Variants in TRIP12 observed in about 807,000 individuals in gnomAD.
The protein encoded by TRIP12 is E3 ubiquitin-protein ligase TRIP12.
A neutral mutation model predicts 244.2 loss-of-function variants in TRIP12; 25 were observed. That is an observed-to-expected ratio of 0.10 (90% confidence interval 0.07 to 0.14). The LOEUF is 0.14. Ranked by LOEUF, TRIP12 falls within the 10% of genes least tolerant of loss-of-function variation. The pLI is 1.00. For synonymous variants in TRIP12, 905 were observed against 873.1 expected, an observed-to-expected ratio of 1.04 and a Z score of -0.64; for missense variants, 1,677 against 2,486.4, an observed-to-expected ratio of 0.67 and a Z score of 6.92.
chr2:229,904,727 C>CAT (rs2072187387), intron 1 of TRIP12, among the ~76,000 whole-genome samples: 1 of 152,046 alleles, frequency 6.6e-6, no homozygotes, highest in East Asian at 1.9e-4. Flanking sequence ...CCTCAAAAAG[C>CAT]ATAAGTTTTA....
chr2:229,813,286 A>G (rs2047710760), intron 13 of TRIP12, among the ~76,000 whole-genome samples: 1 of 152,230 alleles, frequency 6.6e-6, no homozygotes. Context: ...TAAACACTCA[A>G]TGTTTGCTGA....
upstream of TRIP12, chr2:229,922,749 C>T (rs1044690210): frequency 2.5e-5 from 20 of 799,884 alleles, no homozygotes; most frequent in South Asian, 1.1e-4. Flanking sequence ...GGGAGATTTT[C>T]CTCGTCACCT....
Position 229,808,426 on chromosome 2 carries a change from T to A in TRIP12, c.2222-57A>T, listed in dbSNP as rs2046413296. On this transcript the variant is annotated intron_variant, in intron 15 of 41. Transcript: ENST00000675903. ...TATTAAACTAGTTATACTACCTCAT[T>A]CAAAGGCAAACATTGCCCAAGGGGG... The A allele has an allele frequency of 2.4e-5, 27 of 1,141,766 alleles. No individual in the cohort carries two copies. In the South Asian group the frequency reaches 2.7e-4, roughly 11 times the overall value. The allele number at this position is 1,141,766 out of a possible 1,614,324, so 70.7% of individuals were successfully genotyped here.
At chr2:229,879,237 C>T (rs534743520) in intron 2 of TRIP12, among the ~76,000 whole-genome samples, 104 of 152,156 alleles carry the variant, frequency 6.8e-4, no homozygotes, top group Admixed American at 1.0e-3. Flanking sequence ...GGTAACAGAG[C>T]GATGAGACTC....
At position 229,765,818 on chromosome 2, in the gene TRIP12, T is replaced by C. The variant is rs1338276304; in HGVS notation, c.*1736A>G. ...AAACTGCAGAAACACAATTCCCTTC[T>C]TGGATTTCAGGGAAAAGCCATTCAC... is the stretch of plus-strand genomic sequence containing the variant. On this transcript the variant is annotated 3_prime_UTR_variant, in exon 42 of 42. Coordinates refer to ENST00000675903, the MANE Select transcript of TRIP12 (RefSeq NM_001348323.3). The C allele has an allele frequency of 6.6e-6, 1 of 152,196 alleles. No homozygotes were observed. Among genetic ancestry groups the C allele is most frequent in the Non-Finnish European group, 1.5e-5 (1 of 68,036 alleles). 9.4% of individuals were successfully genotyped at this position (152,196 alleles called of 1,614,324 possible). A position where few individuals can be genotyped will look rare whatever the true frequency, so the allele number is the denominator to read the frequency against.
chr2:229,776,681 A>C (rs1290585724), intron 37 of TRIP12, among the ~76,000 whole-genome samples: 1 of 152,174 alleles, frequency 6.6e-6, no homozygotes, highest in African/African-American at 2.4e-5. Flanking sequence ...AGCCCAAACA[A>C]GCTTTTTGGG....
intron 1 of TRIP12, among the ~76,000 whole-genome samples, chr2:229,898,523 C>G (rs1185748372): frequency 6.6e-6 from 1 of 152,078 alleles, no homozygotes; most frequent in African/African-American, 2.4e-5. Context: ...CTCCAGTCGC[C>G]TGACTCTCAG....
chr2:229,827,732 A>T (rs1388656398), intron 8 of TRIP12, among the ~76,000 whole-genome samples: 1 of 152,216 alleles, frequency 6.6e-6, no homozygotes, highest in Non-Finnish European at 1.5e-5. Flanking sequence ...AATACATTCT[A>T]AATCAAGCTT....
intron 1 of TRIP12, among the ~76,000 whole-genome samples, chr2:229,887,739 C>T (rs1309762676): frequency 6.6e-6 from 1 of 152,180 alleles, no homozygotes; most frequent in Non-Finnish European, 1.5e-5. Context: ...AAGATGACTG[C>T]ACATCCTTTC....
intron 2 of TRIP12, among the ~76,000 whole-genome samples, chr2:229,874,363 GA>G (rs1209892140): frequency 6.6e-6 from 1 of 152,118 alleles, no homozygotes; most frequent in Non-Finnish European, 1.5e-5. Flanking sequence ...CAAGATTTCT[GA>G]AAGACAAAAG....
chr2:229,908,912 C>T (rs7587926), intron 1 of TRIP12, among the ~76,000 whole-genome samples: 37,997 of 150,892 alleles, frequency 0.25, 5,916 homozygotes, highest in Middle Eastern at 0.43. Flanking sequence ...GGCAATATAG[C>T]GAGACCCCTC....
intron 8 of TRIP12, among the ~76,000 whole-genome samples, chr2:229,827,398 A>C (rs2051981772): frequency 6.6e-6 from 1 of 152,152 alleles, no homozygotes; most frequent in Admixed American, 6.5e-5. Flanking sequence ...AACACAATGA[A>C]CAGCTGTACA....
intron 2 of TRIP12, among the ~76,000 whole-genome samples, chr2:229,879,380 A>C (rs1205684962): frequency 6.6e-6 from 1 of 152,190 alleles, no homozygotes; most frequent in East Asian, 1.9e-4. Flanking sequence ...CCTTGGCTAA[A>C]TCTGACTTGG....
rs2036512579 is a variant in TRIP12 at position 229,777,112 on chromosome 2, AT to A, written c.5529+202del. ...GTTTGATTTAGAATTGTATTTGCTAATCAAGATGTTTATAGCCTGCTGTGAG... is the reference window on the plus strand; with the variant it reads ...GTTTGATTTAGAATTGTATTTGCTAACAAGATGTTTATAGCCTGCTGTGAG... On this transcript the variant is annotated intron_variant, in intron 37 of 41. Transcript: ENST00000675903. 2.0e-5 allele frequency among the ~76,000 whole-genome samples: 3 copies of A among 152,226 alleles called. No homozygotes were observed. In the South Asian group the frequency reaches 6.2e-4, roughly 31 times the overall value.
Position 229,909,387 on chromosome 2 carries a change from A to C in TRIP12, c.-50+12493T>G, listed in dbSNP as rs188618799. Among the ~76,000 whole-genome samples, 1,185 of 151,232 alleles carry C rather than the reference A, an allele frequency of 7.8e-3. 9 individuals carry two copies. The highest frequency in any genetic ancestry group is 0.013 in the Non-Finnish European group (884 of 67,818). On this transcript the variant is annotated intron_variant, in intron 1 of 41. Coordinates refer to ENST00000675903, the MANE Select transcript of TRIP12 (RefSeq NM_001348323.3). ...ATAGGGACACCCTGGCTCCACACAC[A>C]CAAAAAAAAAAAATTAAAATATTAG...
At chr2:229,830,933 A>G (rs2053184514) in intron 6 of TRIP12, 94 bp from the exon 7 acceptor site, 23 of 1,060,064 alleles carry the variant, frequency 2.2e-5, no homozygotes, top group Non-Finnish European at 3.0e-5. Flanking sequence ...GCGGACTACA[A>G]TTGAATAAAG....
At chr2:229,899,741 A>C (rs116035578) in intron 1 of TRIP12, among the ~76,000 whole-genome samples, 1,630 of 152,276 alleles carry the variant, frequency 0.011, 34 homozygotes, top group African/African-American at 0.037. Context: ...CCAAGAGAGA[A>C]GTGGAATGGT....
chr2:229,817,021 G>A (rs2154285410), intron 9 of TRIP12, among the ~76,000 whole-genome samples: 1 of 152,268 alleles, frequency 6.6e-6, no homozygotes, highest in East Asian at 1.9e-4. Context: ...CTGCATCTGG[G>A]TGGCAGGTGA....
chr2:229,862,177 T>C (rs1411993551), intron 2 of TRIP12, among the ~76,000 whole-genome samples: 1 of 152,138 alleles, frequency 6.6e-6, no homozygotes, highest in Non-Finnish European at 1.5e-5. Flanking sequence ...CTGCCTTGTA[T>C]ATATTGTGAT....
Sources: allele counts gnomAD v4.1 joint callset (sites outside exome capture counted in the v4.1 genomes callset), GRCh38; gene constraint gnomAD v4.1.1; transcripts MANE v1.5; gene names NCBI Gene and HGNC (gene_info 2026-07-23, HGNC 2026-07-21).